The following FGFR1 variants were observed in gnomAD, a reference collection of about 807,000 sequenced individuals.
FGFR1 encodes FGFR1/PLAG1 fusion.
In FGFR1, 18 loss-of-function variants were observed where a neutral mutation model predicts 93.7. The observed-to-expected ratio is 0.19, with a 90% CI of 0.13 to 0.28. The LOEUF (loss-of-function observed/expected upper bound fraction) is 0.28. Among genes scored for constraint, FGFR1 ranks in the 10% least tolerant of loss-of-function variants. FGFR1 has a pLI of 1.00. For synonymous variants in FGFR1, 448 were observed against 429.3 expected (o/e 1.04, Z -0.54); for missense variants, 731 against 1,080.4 (o/e 0.68, Z 4.53).
intron 2 of FGFR1, among the ~76,000 whole-genome samples, chr8:38,452,230 C>G (rs1299980690): frequency 6.7e-6 from 1 of 148,718 alleles, no homozygotes; most frequent in South Asian, 2.1e-4. Context: ...CACACACACA[C>G]ACACACACAC....
At chr8:38,452,850 G>A (rs1277536792) in intron 2 of FGFR1, among the ~76,000 whole-genome samples, 1 of 152,118 alleles carries the variant, frequency 6.6e-6, no homozygotes, top group Non-Finnish European at 1.5e-5. Flanking sequence ...GGTGGCACGC[G>A]CCTGTAATCC....
At chr8:38,427,616 G>C (rs1295138346) in intron 5 of FGFR1, among the ~76,000 whole-genome samples, 1 of 152,098 alleles carries the variant, frequency 6.6e-6, no homozygotes, top group Non-Finnish European at 1.5e-5. Context: ...ATCTTATACA[G>C]TCATGAAAAA....
At chr8:38,458,431 C>T (rs1406490162) in intron 1 of FGFR1, among the ~76,000 whole-genome samples, 1 of 152,116 alleles carries the variant, frequency 6.6e-6, no homozygotes, top group East Asian at 1.9e-4. Flanking sequence ...ATCCCAGCTA[C>T]TCAGGAGGCT....
intron 2 of FGFR1, among the ~76,000 whole-genome samples, chr8:38,431,132 C>T (rs1018902274): frequency 2.6e-5 from 4 of 152,176 alleles, no homozygotes; most frequent in Non-Finnish European, 5.9e-5. Flanking sequence ...TGCCGCTCCC[C>T]GATGCATAAG....
At chr8:38,435,638 T>C (rs1456025742) in intron 2 of FGFR1, 1 of 152,274 alleles carries the variant, frequency 6.6e-6, no homozygotes, top group Admixed American at 6.5e-5. Context: ...GTCTTTCCAG[T>C]GTCCCTCACT....
intron 7 of FGFR1, chr8:38,423,335 T>A (rs111347522): frequency 8.8e-5 from 49 of 559,760 alleles, no homozygotes; most frequent in African/African-American, 4.9e-4. Context: ...TTTTTTTTTT[T>A]AACGCAGAGT....
chr8:38,430,669 T>C (rs1822710298), intron 2 of FGFR1: 1 of 152,358 alleles, frequency 6.6e-6, no homozygotes, highest in South Asian at 2.1e-4. Flanking sequence ...CCACACTTGC[T>C]CTGGCAGCAG....
At chr8:38,418,802 C>T in intron 9 of FGFR1, 1 of 251,182 alleles carries the variant, frequency 4.0e-6, no homozygotes, top group South Asian at 5.5e-5. Context: ...ACCATTTCCT[C>T]CCGTGGGGAA....
chr8:38,431,791 G>A (rs1823254146), intron 2 of FGFR1, among the ~76,000 whole-genome samples: 2 of 152,182 alleles, frequency 1.3e-5, no homozygotes, highest in South Asian at 4.1e-4. Context: ...TGTGAGTCCG[G>A]TCAAGGGGAA....
chr8:38,425,917 G>C (rs927411852), intron 6 of FGFR1: 39 of 656,230 alleles, frequency 5.9e-5, no homozygotes, highest in Admixed American at 3.1e-4. Flanking sequence ...AGCTTTGACC[G>C]TGTTACTGTC....
At chr8:38,415,111 G>C (rs1815935737) in intron 13 of FGFR1, among the ~76,000 whole-genome samples, 1 of 152,158 alleles carries the variant, frequency 6.6e-6, no homozygotes, top group Admixed American at 6.5e-5. Context: ...CTTCCCCAAA[G>C]ACTGGCCCCT....
rs1315551279 is a variant in FGFR1, at chr8:38,428,373, T to C, written c.421A>G (p.Thr141Ala). ...DDDSSSEEKE[T>A]DNTKPNRMPV... ...ATACGGTTTGGTTTGGTGTTATCTG[T>C]TTCTTTCTCCTCTGAAGAGGAGTCA... is the stretch of plus-strand genomic sequence containing the variant. The change falls in exon 4 of 18, where the codon ACA becomes GCA. Residue 141 changes from threonine (T) to alanine (A), a missense_variant. This residue lies in a region of FGFR1 where 212 missense variants were observed against 205.8 expected (regional missense o/e 1.03). Transcript: ENST00000447712. 15 of 1,614,178 alleles carry C rather than the reference T, an allele frequency of 9.3e-6. No homozygotes were observed. Among genetic ancestry groups the C allele is most frequent in the Non-Finnish European group, 1.3e-5 (15 of 1,180,034 alleles).
rs1356140937 is a variant in FGFR1 at position 38,413,623 on chromosome 8, G to A, written c.*5C>T. 6.2e-7 allele frequency: 1 copy of A among 1,605,128 alleles called. No individual in the cohort carries two copies. Among genetic ancestry groups the A allele is most frequent in the Non-Finnish European group, 8.5e-7 (1 of 1,176,790 alleles). On this transcript the variant is annotated 3_prime_UTR_variant, in exon 18 of 18. Transcript: ENST00000447712. This position sits in a 1 kb window ranked among gnomAD's most constrained non-coding sequence, Gnocchi z 4.2. The stretch of plus-strand genomic sequence containing the variant: ...TGGAGTCTGGGGAGGGCGTGTGGGT[G>A]GCAGTCAGCGGCGTTTGAGTCCGCC...
chr8:38,428,311 C>G (rs1267035520), intron 4 of FGFR1, 35 bp downstream of exon 4: 1 of 1,603,580 alleles, frequency 6.2e-7, no homozygotes, highest in Admixed American at 1.7e-5. Flanking sequence ...AATGCCCAGA[C>G]CCAAAGGGCA....
intron 1 of FGFR1, chr8:38,466,725 TTAA>T (rs959077050): frequency 2.8e-5 from 6 of 213,836 alleles, no homozygotes; most frequent in Admixed American, 2.4e-4. Flanking sequence ...AAGAGGGAAG[TTAA>T]TAATGCGGCT....
rs999098024 is a variant in FGFR1, at chr8:38,423,043, T to TGAC, written c.937-1105_937-1103dup. The TGAC allele has an allele frequency of 3.8e-6, 3 of 779,606 alleles. No individual in the cohort carries two copies. In the African/African-American group the frequency reaches 5.1e-5, roughly 13 times the overall value. 48.3% of individuals were successfully genotyped at this position (779,606 alleles called of 1,614,324 possible). On this transcript the variant is annotated intron_variant, in intron 7 of 17. Coordinates refer to ENST00000447712, the MANE Select transcript of FGFR1 (RefSeq NM_023110.3). Reference sequence around the variant, plus strand: ...CCATTACCTTTTGCCACAGGTCTGGTGACAGTGAGCCACGCAGACTGGTTA... The same window carrying TGAC: ...CCATTACCTTTTGCCACAGGTCTGGTGACGACAGTGAGCCACGCAGACTGGTTA...
chr8:38,439,428 T>A (rs1245489464), intron 2 of FGFR1, among the ~76,000 whole-genome samples: 1 of 152,186 alleles, frequency 6.6e-6, no homozygotes, highest in Non-Finnish European at 1.5e-5. Flanking sequence ...TTACAGCTGA[T>A]GACCCCTGAT....
At chr8:38,440,267 A>T in intron 2 of FGFR1, 1 of 1,571,476 alleles carries the variant, frequency 6.4e-7, no homozygotes, top group East Asian at 2.3e-5. Context: ...AGGTTTTTTT[A>T]TTACGTATTT....
chr8:38,459,116 T>C (rs909323694), intron 1 of FGFR1: 4 of 227,018 alleles, frequency 1.8e-5, no homozygotes, highest in African/African-American at 6.7e-5. Context: ...GAACGGATCA[T>C]AGCTGTTAAC....
Sources: allele counts gnomAD v4.1 joint callset (sites outside exome capture counted in the v4.1 genomes callset), GRCh38; gene constraint gnomAD v4.1.1; regional missense constraint gnomAD v4.1.1; non-coding constraint Gnocchi (gnomAD v3.1); transcripts MANE v1.5; gene names NCBI Gene and HGNC (gene_info 2026-07-23, HGNC 2026-07-21).